SNX29: variants seen among roughly 807,000 people sequenced by gnomAD.
SNX29 encodes sorting nexin 29, also known as sorting nexin-29.
SNX29 carries 78 observed loss-of-function variants against 102.1 expected under a neutral mutation model. The ratio of observed to expected loss-of-function variants is 0.76; its 90% CI spans 0.64 to 0.92. The LOEUF is 0.92. Ranked by LOEUF, SNX29 falls within the 40% of genes least tolerant of loss-of-function variation. SNX29 has a pLI of 0.00. For missense variants in SNX29, 1,280 were observed against 1,061.7 expected, an observed-to-expected ratio of 1.21 and a Z score of -2.86; for synonymous variants, 580 against 414.5, an observed-to-expected ratio of 1.40 and a Z score of -4.85.
At chr16:12,140,178 C>T (rs925580204) in intron 13 of SNX29, among the ~76,000 whole-genome samples, 1 of 152,006 alleles carries the variant, frequency 6.6e-6, no homozygotes, top group Admixed American at 6.6e-5. Context: ...TCATGCAGTC[C>T]CCATGACTTT....
chr16:12,561,986 G>A (rs1278871363), intron 20 of SNX29, among the ~76,000 whole-genome samples: 1 of 152,140 alleles, frequency 6.6e-6, no homozygotes, highest in Non-Finnish European at 1.5e-5. Flanking sequence ...CTACCAGCTT[G>A]GTGACAATGG....
intron 7 of SNX29, among the ~76,000 whole-genome samples, chr16:12,050,658 G>A (rs920581134): frequency 5.9e-5 from 9 of 152,030 alleles, no homozygotes; most frequent in African/African-American, 1.7e-4. Flanking sequence ...GAAAGCAAAG[G>A]CAAAGCTGAG....
chr16:12,090,824 G>C (rs2052489036), intron 11 of SNX29, among the ~76,000 whole-genome samples: 1 of 151,988 alleles, frequency 6.6e-6, no homozygotes, highest in African/African-American at 2.4e-5. Flanking sequence ...AGACCAGCCT[G>C]GCCAACATGG....
intron 14 of SNX29, among the ~76,000 whole-genome samples, chr16:12,267,254 G>T (rs1057046874): frequency 2.0e-5 from 3 of 152,056 alleles, no homozygotes; most frequent in Admixed American, 1.3e-4. Flanking sequence ...GAGTGTGTGT[G>T]TGTGTGTATG....
chr16:12,121,709 G>A (rs1729649187), intron 11 of SNX29, among the ~76,000 whole-genome samples: 1 of 152,218 alleles, frequency 6.6e-6, no homozygotes, highest in Admixed American at 6.5e-5. Flanking sequence ...TCTCTGTCCA[G>A]GCCTCTGTAC....
chr16:12,518,648 C>A (rs551629320), intron 19 of SNX29, among the ~76,000 whole-genome samples: 4 of 152,210 alleles, frequency 2.6e-5, no homozygotes, highest in Non-Finnish European at 5.9e-5. Flanking sequence ...CCTGTCCCTA[C>A]CCCCTCCTGC....
intron 20 of SNX29, among the ~76,000 whole-genome samples, chr16:12,555,753 C>T (rs1006783768): frequency 6.6e-6 from 1 of 151,918 alleles, no homozygotes; most frequent in Admixed American, 6.5e-5. Context: ...CCCACAACTC[C>T]AACTAGCCTT....
intron 19 of SNX29, among the ~76,000 whole-genome samples, chr16:12,482,203 G>C (rs538451812): frequency 6.6e-6 from 1 of 152,300 alleles, no homozygotes; most frequent in Admixed American, 6.5e-5. Flanking sequence ...TGTCCGCCTG[G>C]ACCATTGTGG....
At chr16:12,245,082 C>G (rs1410779404) in intron 14 of SNX29, among the ~76,000 whole-genome samples, 1 of 152,112 alleles carries the variant, frequency 6.6e-6, no homozygotes, top group Non-Finnish European at 1.5e-5. Flanking sequence ...TCCCCGCCCC[C>G]CTAACAAAAA....
chr16:12,538,558 C>G (rs539365830), intron 20 of SNX29, among the ~76,000 whole-genome samples: 4 of 152,268 alleles, frequency 2.6e-5, no homozygotes, highest in African/African-American at 4.8e-5. Flanking sequence ...GGAGGCTTAA[C>G]TGGTCTTAGC....
chr16:12,525,705 C>CA (rs1218478130), intron 20 of SNX29, among the ~76,000 whole-genome samples: 7 of 129,156 alleles, frequency 5.4e-5, no homozygotes, highest in Admixed American at 4.0e-4. Flanking sequence ...CCCACCCCCC[C>CA]CCCCAAAAAA....
rs1349058102 is a variant in SNX29 at position 12,529,335 on chromosome 16, G to C, written c.2318+4494G>C. ...GCTGTGTTCGTCGTCTGACATTTGG[G>C]GAAGGGGTGGTTACTAAGAGACGTG... On this transcript the variant is annotated intron_variant, in intron 20 of 20. Transcript: ENST00000566228. Among the ~76,000 whole-genome samples the C allele has an allele frequency of 1.3e-5, 2 of 152,156 alleles. 1 individual carries two copies. Among genetic ancestry groups the C allele is most frequent in the Non-Finnish European group, 2.9e-5 (2 of 68,024 alleles).
chr16:12,544,284 T>A (rs532522875), intron 20 of SNX29, among the ~76,000 whole-genome samples: 1 of 152,230 alleles, frequency 6.6e-6, no homozygotes, highest in Admixed American at 6.5e-5. Context: ...ACACTCTCAG[T>A]ACGGCATCCA....
At chr16:12,090,394 G>A (rs893785897) in intron 11 of SNX29, 3 of 152,238 alleles carry the variant, frequency 2.0e-5, no homozygotes, top group African/African-American at 4.8e-5. Flanking sequence ...GCAGTGGGAG[G>A]GAATGGGGGT....
intron 11 of SNX29, among the ~76,000 whole-genome samples, chr16:12,102,468 G>A (rs886695574): frequency 2.0e-5 from 3 of 152,162 alleles, no homozygotes; most frequent in Non-Finnish European, 2.9e-5. Context: ...TCTAACTGGC[G>A]TGAGATGGTA....
chr16:12,564,869 A>T (rs2078927862), intron 20 of SNX29, among the ~76,000 whole-genome samples: 1 of 150,246 alleles, frequency 6.7e-6, no homozygotes, highest in East Asian at 2.0e-4. Context: ...AGAGATGAGA[A>T]TTTCACTCTG....
At chr16:12,240,693 A>G (rs941309153) in intron 14 of SNX29, among the ~76,000 whole-genome samples, 8 of 130,120 alleles carry the variant, frequency 6.1e-5, no homozygotes, top group African/African-American at 1.8e-4. Flanking sequence ...GCCTCCTCCC[A>G]GGTTCAGGTG....
intron 18 of SNX29, among the ~76,000 whole-genome samples, chr16:12,426,349 A>G (rs2085079735): frequency 6.6e-6 from 1 of 152,140 alleles, no homozygotes; most frequent in South Asian, 2.1e-4. Flanking sequence ...GGGGTAAGAG[A>G]CAGTGGCAGG....
intron 13 of SNX29, among the ~76,000 whole-genome samples, chr16:12,178,686 C>G (rs186928557): frequency 6.6e-6 from 1 of 152,200 alleles, no homozygotes; most frequent in Non-Finnish European, 1.5e-5. Flanking sequence ...ATCGTGCATA[C>G]GCAATGCTCT....
Sources: allele counts gnomAD v4.1 joint callset (sites outside exome capture counted in the v4.1 genomes callset), GRCh38; gene constraint gnomAD v4.1.1; transcripts MANE v1.5; gene names NCBI Gene and HGNC (gene_info 2026-07-23, HGNC 2026-07-21).